SYNC: variants seen among roughly 807,000 people sequenced by gnomAD.
The protein encoded by SYNC is syncoilin.
A neutral mutation model predicts 49.5 loss-of-function variants in SYNC; 38 were observed. The observed-to-expected ratio is 0.77, with a 90% CI of 0.59 to 1.01. The LOEUF is 1.01. SYNC is among the 50% of genes least tolerant of loss of function. SYNC has a pLI of 0.00. For synonymous variants in SYNC, 201 were observed against 230.8 expected (o/e 0.87, Z 1.17); for missense variants, 579 against 580.6 (o/e 1.00, Z 0.03).
At position 32,692,925 on chromosome 1, in the gene SYNC, C is replaced by T. The variant is rs183668561; in HGVS notation, c.1233+1940G>A. Among the ~76,000 whole-genome samples, 1,465 of 151,346 alleles carry T rather than the reference C, an allele frequency of 9.7e-3. 13 individuals are homozygous for T. The highest frequency in any genetic ancestry group is 0.014 in the Non-Finnish European group (933 of 67,848). On this transcript the variant is annotated intron_variant, in intron 2 of 4. Transcript: ENST00000409190. ...GAGGCTGAAATGAGAATTGCTTGAACCCGGGAGGTGGAGTTTGCAGTGAGC... is the reference window on the plus strand; with the variant it reads ...GAGGCTGAAATGAGAATTGCTTGAATCCGGGAGGTGGAGTTTGCAGTGAGC...
chr1:32,684,291 C>CT lies in SYNC; in HGVS notation c.1324dup (p.Arg442LysfsTer6). ...AGAGAGCTCTTCAGCAAGACTGAGC[C>CT]TTAGCTGTTCCATCTCTTTGTTCTT... On this transcript the variant is annotated frameshift_variant, in exon 3 of 5. Coordinates refer to ENST00000409190, the MANE Select transcript of SYNC (RefSeq NM_030786.3). LOFTEE classifies it high-confidence loss of function. The CT allele has an allele frequency of 6.2e-7, 1 of 1,614,178 alleles. No individual in the cohort carries two copies. Among genetic ancestry groups the CT allele is most frequent in the Non-Finnish European group, 8.5e-7 (1 of 1,180,034 alleles).
chr1:32,701,065 G>A (rs1277521384), intron 1 of SYNC, among the ~76,000 whole-genome samples: 8 of 152,010 alleles, frequency 5.3e-5, no homozygotes, highest in Non-Finnish European at 7.4e-5. Context: ...ACAGGCACAC[G>A]CCACCACGCC....
intron 2 of SYNC, chr1:32,685,662 C>T (rs1649773725): frequency 6.6e-6 from 1 of 152,230 alleles, no homozygotes; most frequent in Non-Finnish European, 1.5e-5. Flanking sequence ...AAGAGTGTGT[C>T]ATCTGAAGAG....
At chr1:32,691,932 G>A (rs538335992) in intron 2 of SYNC, among the ~76,000 whole-genome samples, 60 of 151,988 alleles carry the variant, frequency 3.9e-4, no homozygotes, top group African/African-American at 1.3e-3. Context: ...TTTAACCAGC[G>A]CCTAAAAATA....
intron 2 of SYNC, among the ~76,000 whole-genome samples, chr1:32,687,361 C>CAAAA (rs11383471): frequency 8.1e-6 from 1 of 123,584 alleles, no homozygotes; most frequent in Non-Finnish European, 1.6e-5. Flanking sequence ...GACTTCATCT[C>CAAAA]AAAAAAAAAA....
intron 1 of SYNC, among the ~76,000 whole-genome samples, chr1:32,699,131 A>T (rs1382199776): frequency 7.2e-6 from 1 of 139,758 alleles, no homozygotes; most frequent in Non-Finnish European, 1.5e-5. Context: ...TAGCCAGTTC[A>T]CTGAGAAGTG....
Position 32,695,605 on chromosome 1 carries a change from C to G in SYNC, c.493G>C (p.Glu165Gln), listed in dbSNP as rs1396563457. 6.4e-7 allele frequency: 1 copy of G among 1,551,570 alleles called. No individual in the cohort carries two copies. Among genetic ancestry groups the G allele is most frequent in the East Asian group, 2.4e-5 (1 of 40,904 alleles). The change falls in exon 2 of 5, where the codon GAG becomes CAG. Residue 165 changes from glutamate to glutamine, a missense_variant. Transcript: ENST00000409190. ...TCCAGGTCCTCTATGCTCAGGTTCT[C>G]CTCCATGCTGGGGCTCTGCTCGGCT... ...LRAEQSPSME[E>Q]NLSIEDLELL... is the part of the protein sequence containing the mutation.
intron 2 of SYNC, among the ~76,000 whole-genome samples, chr1:32,687,170 G>A (rs1649883124): frequency 6.6e-6 from 1 of 151,914 alleles, no homozygotes; most frequent in Non-Finnish European, 1.5e-5. Context: ...GACCAGCCTG[G>A]CCAACATGGT....
chr1:32,693,217 G>A (rs1339969348), intron 2 of SYNC, among the ~76,000 whole-genome samples: 1 of 151,792 alleles, frequency 6.6e-6, no homozygotes, highest in Admixed American at 6.6e-5. Flanking sequence ...CAAGTAGCTG[G>A]GACTACAGGC....
intron 2 of SYNC, chr1:32,685,254 C>T (rs1445666962): frequency 6.6e-6 from 1 of 152,174 alleles, no homozygotes; most frequent in Non-Finnish European, 1.5e-5. Context: ...ATAACTTTCT[C>T]ATTCTTCCAG....
At position 32,681,033 on chromosome 1, in the gene SYNC, C is replaced by T. The variant is rs1293693039; in HGVS notation, c.*817G>A. The T allele has an allele frequency of 6.5e-6, 1 of 153,194 alleles. No homozygotes were observed. Among genetic ancestry groups the T allele is most frequent in the Admixed American group, 6.5e-5 (1 of 15,290 alleles). The allele number at this position is 153,194 out of a possible 1,614,324, so 9.5% of individuals were successfully genotyped here. On this transcript the variant is annotated 3_prime_UTR_variant, in exon 5 of 5. Transcript: ENST00000409190. ...TTTTATTTCCCCAGTATGTTTTTCA[C>T]TGGGGCCTTTACTTAGGTTAGAAAT...
chr1:32,694,275 C>T (rs887909937), intron 2 of SYNC, among the ~76,000 whole-genome samples: 3 of 152,046 alleles, frequency 2.0e-5, no homozygotes, highest in Non-Finnish European at 4.4e-5. Flanking sequence ...GGGAGGATCG[C>T]TTGAACCTGA....
rs1650372725 is a variant in SYNC, at chr1:32,695,454, T to C, written c.644A>G (p.His215Arg). 2 of 1,551,604 alleles carry C rather than the reference T, an allele frequency of 1.3e-6. No individual in the cohort carries two copies. Among genetic ancestry groups the C allele is most frequent in the Middle Eastern group, 1.7e-4 (1 of 5,994 alleles). The change falls in exon 2 of 5, where the codon CAT (histidine) becomes CGT (arginine). Residue 215 changes from histidine to arginine, a missense_variant. By Grantham distance (29) the His-to-Arg change is conservative. Transcript: ENST00000409190. ...CTTGTAGGCAGCCAGGATGTCTTGATGGACTTGCTGTACCTCCTGCAGGGC... is the reference window on the plus strand; with the variant it reads ...CTTGTAGGCAGCCAGGATGTCTTGACGGACTTGCTGTACCTCCTGCAGGGC... ...EPALQEVQQV[H>R]QDILAAYKLH...
In SYNC at chr1:32,702,741, C is replaced by A. The variant is rs1017899644; in HGVS notation, c.-81G>T. ...CTCGCTCCGGCGCCCGCGCCCGCCG[C>A]ACTGCCAGCTGCAACCGACACCGGA... On this transcript the variant is annotated 5_prime_UTR_variant, in exon 1 of 5. Coordinates refer to ENST00000409190, the MANE Select transcript of SYNC (RefSeq NM_030786.3). This position sits in a 1 kb window ranked among gnomAD's most constrained non-coding sequence, Gnocchi z 6.2. 70 of 1,056,814 alleles carry A rather than the reference C, an allele frequency of 6.6e-5. 1 individual carries two copies. The African/African-American group carries it at 1.1e-3, about 16-fold the overall frequency. 65.5% of individuals were successfully genotyped at this position (1,056,814 alleles called of 1,614,324 possible).
Position 32,702,501 on chromosome 1 carries a change from A to T in SYNC, c.53+107T>A. 1 of 1,090,106 alleles carries T rather than the reference A, an allele frequency of 9.2e-7. No homozygotes were observed. The highest frequency in any genetic ancestry group is 1.1e-6 in the Non-Finnish European group (1 of 874,720). The allele number at this position is 1,090,106 out of a possible 1,614,324, so 67.5% of individuals were successfully genotyped here. On this transcript the variant is annotated intron_variant, in intron 1 of 4. Coordinates refer to ENST00000409190, the MANE Select transcript of SYNC (RefSeq NM_030786.3). This position sits in a 1 kb window ranked among gnomAD's most constrained non-coding sequence, Gnocchi z 6.2. ...TCCAGTGCCCCACCCCGGCTGGACC[A>T]CTACCCCTAGACAGGCGAAAGACGC...
intron 2 of SYNC, chr1:32,685,044 G>A (rs1023328225): frequency 2.6e-5 from 4 of 152,092 alleles, no homozygotes; most frequent in African/African-American, 4.8e-5. Flanking sequence ...TAGAGACAGG[G>A]TCTCGCTATG....
chr1:32,689,269 T>G (rs2148553124), intron 2 of SYNC, among the ~76,000 whole-genome samples: 3 of 131,998 alleles, frequency 2.3e-5, no homozygotes, highest in Non-Finnish European at 4.7e-5. Context: ...TTTTTTGAGG[T>G]GAGTCACTGT....
chr1:32,683,716 C>T, intron 4 of SYNC: 1 of 312,540 alleles, frequency 3.2e-6, no homozygotes, highest in South Asian at 3.5e-5. Context: ...TCACTGCAAC[C>T]TCTGCCTCCT....
chr1:32,687,205 C>T (rs909618854), intron 2 of SYNC, among the ~76,000 whole-genome samples: 2 of 151,606 alleles, frequency 1.3e-5, no homozygotes, highest in African/African-American at 4.8e-5. Context: ...ACTAAAAATA[C>T]AAAAAATTAG....
Sources: allele counts gnomAD v4.1 joint callset (sites outside exome capture counted in the v4.1 genomes callset), GRCh38; gene constraint gnomAD v4.1.1; non-coding constraint Gnocchi (gnomAD v3.1); transcripts MANE v1.5; gene names NCBI Gene and HGNC (gene_info 2026-07-23, HGNC 2026-07-21).